The following GRIA4 variants were observed in gnomAD, a reference collection of about 807,000 sequenced individuals.
GRIA4 encodes glutamate receptor 4.
GRIA4 carries 34 observed loss-of-function variants against 104.0 expected under a neutral mutation model. That is an observed-to-expected ratio of 0.33 (90% CI 0.25 to 0.44). The LOEUF is 0.44. Ranked by LOEUF, GRIA4 falls within the 20% of genes least tolerant of loss-of-function variation. GRIA4 has a pLI of 1.00. For missense variants in GRIA4, 750 were observed against 1,096.5 expected, an observed-to-expected ratio of 0.68 and a Z score of 4.46; for synonymous variants, 386 against 381.9, an observed-to-expected ratio of 1.01 and a Z score of -0.13.
chr11:105,701,700 C>T (rs1953499996), intron 3 of GRIA4, among the ~76,000 whole-genome samples: 1 of 152,136 alleles, frequency 6.6e-6, no homozygotes, highest in African/African-American at 2.4e-5. Flanking sequence ...TGCACTTCCA[C>T]TTGGCCTCTT....
At chr11:105,688,464 G>A (rs1952972337) in intron 3 of GRIA4, among the ~76,000 whole-genome samples, 1 of 152,146 alleles carries the variant, frequency 6.6e-6, no homozygotes, top group Non-Finnish European at 1.5e-5. Flanking sequence ...GGGAGGCTGA[G>A]GCAGGAGAAT....
intron 3 of GRIA4, among the ~76,000 whole-genome samples, chr11:105,618,939 T>C (rs1264873455): frequency 1.3e-5 from 2 of 151,942 alleles, no homozygotes; most frequent in Non-Finnish European, 2.9e-5. Flanking sequence ...AGCCAAAAGA[T>C]AGGGAACCTG....
intron 3 of GRIA4, among the ~76,000 whole-genome samples, chr11:105,713,817 T>A (rs527391015): frequency 1.9e-4 from 29 of 152,288 alleles, no homozygotes; most frequent in African/African-American, 5.3e-4. Context: ...CTTGAGGCCA[T>A]TGAAGTAACA....
chr11:105,891,100 A>T (rs893388401), intron 6 of GRIA4, among the ~76,000 whole-genome samples: 1 of 152,160 alleles, frequency 6.6e-6, no homozygotes, highest in African/African-American at 2.4e-5. Flanking sequence ...TTGCTTCCCT[A>T]ATTTGCCCCT....
intron 5 of GRIA4, among the ~76,000 whole-genome samples, chr11:105,872,485 C>A (rs1264581411): frequency 6.6e-6 from 1 of 152,090 alleles, no homozygotes; most frequent in Non-Finnish European, 1.5e-5. Context: ...TGAACAAAAT[C>A]TTCACCAGGT....
At chr11:105,675,213 G>C (rs182707026) in intron 3 of GRIA4, among the ~76,000 whole-genome samples, 4 of 151,866 alleles carry the variant, frequency 2.6e-5, no homozygotes, top group Admixed American at 2.0e-4. Flanking sequence ...ATGGGAAACT[G>C]CTTCCCCCTC....
intron 4 of GRIA4, among the ~76,000 whole-genome samples, chr11:105,837,181 C>G (rs1397991355): frequency 1.3e-5 from 2 of 152,042 alleles, no homozygotes; most frequent in Non-Finnish European, 1.5e-5. Context: ...TGAGGGAAAC[C>G]ACCCCCATGA....
At chr11:105,739,326 T>A (rs1456055740) in intron 3 of GRIA4, among the ~76,000 whole-genome samples, 2 of 152,192 alleles carry the variant, frequency 1.3e-5, no homozygotes, top group East Asian at 1.9e-4. Flanking sequence ...AGAATTGAAA[T>A]GTGCTTTTTA....
intron 4 of GRIA4, among the ~76,000 whole-genome samples, chr11:105,858,658 C>T (rs2136009895): frequency 6.6e-6 from 1 of 152,154 alleles, no homozygotes; most frequent in East Asian, 1.9e-4. Context: ...TTCCCTCCTC[C>T]CTCACTATCC....
chr11:105,623,632 G>A (rs1950811884), intron 3 of GRIA4, among the ~76,000 whole-genome samples: 1 of 151,990 alleles, frequency 6.6e-6, no homozygotes, highest in Non-Finnish European at 1.5e-5. Context: ...TGCCTAACTA[G>A]AGTTTTCTGA....
rs7924704 is a variant in GRIA4, at chr11:105,833,698, A to C, written c.488-28326A>C. Among the ~76,000 whole-genome samples the C allele has an allele frequency of 9.6e-3, 1,466 of 152,070 alleles. 31 individuals carry two copies. Among genetic ancestry groups the C allele is most frequent in the African/African-American group, 0.034 (1,395 of 41,510 alleles). On this transcript the variant is annotated intron_variant, in intron 4 of 16. Transcript: ENST00000282499. ...ATAATACTAAGAGGCCAGAGTCATT[A>C]TAGTTGCTTTTGTTTTAGTCTTAAC...
At chr11:105,632,322 C>T (rs76923698) in intron 3 of GRIA4, among the ~76,000 whole-genome samples, 1,571 of 152,298 alleles carry the variant, frequency 0.01, 28 homozygotes, top group East Asian at 0.041. Context: ...ATAAGAACCT[C>T]TACTCCAAAT....
chr11:105,908,845 T>A (rs554121829), intron 9 of GRIA4, among the ~76,000 whole-genome samples: 1 of 152,164 alleles, frequency 6.6e-6, no homozygotes, highest in Admixed American at 6.6e-5. Context: ...GCTGATGAGA[T>A]CTTCAGGGTG....
In GRIA4 at chr11:105,752,973, T is replaced by C. The variant is rs1393933743; in HGVS notation, c.248-8T>C. 6.2e-7 allele frequency: 1 copy of C among 1,609,738 alleles called. No homozygotes were observed. On this transcript the variant is annotated splice_polypyrimidine_tract_variant and splice_region_variant and intron_variant, in intron 3 of 16. Coordinates refer to ENST00000282499, the MANE Select transcript of GRIA4 (RefSeq NM_000829.4). The stretch of plus-strand genomic sequence containing the variant: ...ATAGTTTGTGGTGTTTTCTTCCTCT[T>C]GTTTCAGTCTGTTCCCAGTATTCTA...
chr11:105,716,423 A>G (rs1054877694), intron 3 of GRIA4, among the ~76,000 whole-genome samples: 1 of 152,180 alleles, frequency 6.6e-6, no homozygotes, highest in African/African-American at 2.4e-5. Flanking sequence ...TAATTTGAAC[A>G]ATTTTAAATG....
intron 4 of GRIA4, among the ~76,000 whole-genome samples, chr11:105,847,087 G>C (rs1410247024): frequency 2.0e-5 from 3 of 150,838 alleles, no homozygotes; most frequent in African/African-American, 7.3e-5. Flanking sequence ...TTCTCATGAC[G>C]AGCACACAAT....
chr11:105,681,226 T>A (rs1185619208), intron 3 of GRIA4, among the ~76,000 whole-genome samples: 3 of 152,216 alleles, frequency 2.0e-5, no homozygotes, highest in Admixed American at 6.5e-5. Flanking sequence ...ACAATAGTTT[T>A]GCATGCACTT....
rs1948059000 is a variant in GRIA4 at position 105,936,940 on chromosome 11, T to A, written c.2294+2971T>A. ...AAACCACTGATCTATCACTTACTAA[T>A]AACAATGGCCAGAAATTGTTGGTTT... On this transcript the variant is annotated intron_variant, in intron 14 of 16. Coordinates refer to ENST00000282499, the MANE Select transcript of GRIA4 (RefSeq NM_000829.4). Among the ~76,000 whole-genome samples, 2 of 152,170 alleles carry A rather than the reference T, an allele frequency of 1.3e-5. 1 individual carries two copies. Among genetic ancestry groups the A allele is most frequent in the African/African-American group, 4.8e-5 (2 of 41,454 alleles).
At chr11:105,886,663 A>G (rs1946273424) in intron 5 of GRIA4, among the ~76,000 whole-genome samples, 1 of 152,162 alleles carries the variant, frequency 6.6e-6, no homozygotes, top group Admixed American at 6.5e-5. Context: ...GTCTTTGACA[A>G]TGAACGTACC....
Sources: gnomAD v4.1 joint callset for allele counts (sites outside exome capture counted in the v4.1 genomes callset) on GRCh38, gnomAD v4.1.1 for gene constraint, MANE v1.5 for transcripts, NCBI Gene and HGNC (gene_info 2026-07-23, HGNC 2026-07-21) for gene names.